Variants in ABTB3 observed in about 807,000 individuals in gnomAD.
ABTB3 encodes the protein ankyrin repeat and BTB domain containing 3, also known as ankyrin repeat- and BTB/POZ domain-containing protein 3.
the ABTB3 span, among the ~76,000 whole-genome samples, chr12:107,476,067 C>A: frequency 0.032 from 4,903 of 152,250 alleles, 252 homozygotes; most frequent in African/African-American, 0.11. Context: ...GAAGCCGGGG[C>A]CCTGATTTGC....
the ABTB3 span, among the ~76,000 whole-genome samples, chr12:107,613,933 G>A: frequency 1.1e-4 from 17 of 152,092 alleles, no homozygotes; most frequent in Non-Finnish European, 2.4e-4. Context: ...TTTGGATCCA[G>A]AATCATTTTG....
the ABTB3 span, chr12:107,544,245 A>G: frequency 8.1e-7 from 1 of 1,239,862 alleles, no homozygotes; most frequent in East Asian, 2.5e-5. Context: ...CTCACTTCCT[A>G]AAACTTGCCA....
chr12:107,583,541 A>G, the ABTB3 span, among the ~76,000 whole-genome samples: 1 of 152,096 alleles, frequency 6.6e-6, no homozygotes, highest in African/African-American at 2.4e-5. Flanking sequence ...CTCACCCTAG[A>G]CCTAGACAAG....
At chr12:107,619,573 C>G in the ABTB3 span, among the ~76,000 whole-genome samples, 1 of 152,154 alleles carries the variant, frequency 6.6e-6, no homozygotes, top group Non-Finnish European at 1.5e-5. Context: ...GGGCAAGACT[C>G]TTCTCCCCCC....
chr12:107,632,447 A>G, the ABTB3 span, among the ~76,000 whole-genome samples: 1 of 152,214 alleles, frequency 6.6e-6, no homozygotes, highest in Non-Finnish European at 1.5e-5. Context: ...TTTGCAGATA[A>G]CAGGTCTTAT....
chr12:107,427,714 A>G, the ABTB3 span, among the ~76,000 whole-genome samples: 1 of 152,194 alleles, frequency 6.6e-6, no homozygotes, highest in East Asian at 1.9e-4. Context: ...GCCATTACTC[A>G]GCCTGTCACA....
the ABTB3 span, among the ~76,000 whole-genome samples, chr12:107,583,581 G>A: frequency 1.3e-5 from 2 of 152,182 alleles, no homozygotes; most frequent in African/African-American, 4.8e-5. Flanking sequence ...CTTCTGGATG[G>A]CTCTGTCCCT....
chr12:107,318,752 G>A, the ABTB3 span: 11 of 651,986 alleles, frequency 1.7e-5, no homozygotes, highest in Admixed American at 2.9e-5. Context: ...TCCAGGGTCT[G>A]CTCTGTATAT....
the ABTB3 span, among the ~76,000 whole-genome samples, chr12:107,391,121 A>G: frequency 1.3e-5 from 2 of 152,350 alleles, no homozygotes; most frequent in Admixed American, 1.3e-4. Context: ...GCTGCACTCT[A>G]GCCTAGGTGA....
At chr12:107,557,780 A>G in the ABTB3 span, among the ~76,000 whole-genome samples, 1 of 152,230 alleles carries the variant, frequency 6.6e-6, no homozygotes, top group African/African-American at 2.4e-5. Flanking sequence ...AGACAAAGTG[A>G]GGCTGAGGAT....
the ABTB3 span, chr12:107,610,195 A>G: frequency 6.2e-7 from 1 of 1,614,172 alleles, no homozygotes; most frequent in Non-Finnish European, 8.5e-7. Context: ...CTTAGGGCCG[A>G]CGACTGCTTT....
At chr12:107,631,535 C>A in the ABTB3 span, among the ~76,000 whole-genome samples, 1 of 152,140 alleles carries the variant, frequency 6.6e-6, no homozygotes, top group Admixed American at 6.6e-5. Context: ...GCCAGAGTTC[C>A]TTAGTTCGTA....
the ABTB3 span, chr12:107,650,556 A>T: frequency 1.3e-5 from 2 of 152,208 alleles, no homozygotes; most frequent in South Asian, 4.1e-4. Context: ...TGTGTGAAAC[A>T]GTCTCACTCT....
chr12:107,527,855 G>A, the ABTB3 span, among the ~76,000 whole-genome samples: 16,473 of 151,936 alleles, frequency 0.11, 956 homozygotes, highest in African/African-American at 0.14. Flanking sequence ...AGTTTCAATC[G>A]GACGAGTTAA....
chr12:107,501,013 G>A, the ABTB3 span, among the ~76,000 whole-genome samples: 56,088 of 152,032 alleles, frequency 0.37, 12,596 homozygotes, highest in African/African-American at 0.63. Context: ...ACCTATTGCC[G>A]GCTCTGTGAC....
At chr12:107,348,468 C>T in the ABTB3 span, among the ~76,000 whole-genome samples, 7 of 152,166 alleles carry the variant, frequency 4.6e-5, no homozygotes, top group Admixed American at 2.0e-4. Flanking sequence ...GGTGCAGTGG[C>T]TCATGCCTCC....
chr12:107,389,016 C>T, the ABTB3 span, among the ~76,000 whole-genome samples: 3 of 95,552 alleles, frequency 3.1e-5, no homozygotes, highest in Admixed American at 2.4e-4. Flanking sequence ...AACATTAAAA[C>T]TCAGAGTTCA....
chr12:107,507,903 C>T, the ABTB3 span, among the ~76,000 whole-genome samples: 1 of 152,228 alleles, frequency 6.6e-6, no homozygotes, highest in Admixed American at 6.5e-5. Flanking sequence ...TTTGTGCCAT[C>T]AGTGTAGCAT....
chr12:107,320,258 C>T, the ABTB3 span, among the ~76,000 whole-genome samples: 11 of 152,304 alleles, frequency 7.2e-5, no homozygotes, highest in South Asian at 2.1e-3. Context: ...CACTCGGGTG[C>T]GCGTATTTCA....
Sources: gnomAD v4.1 joint callset for allele counts (sites outside exome capture counted in the v4.1 genomes callset) on GRCh38, gnomAD v4.1.1 for gene constraint, MANE v1.5 for transcripts, NCBI Gene and HGNC (gene_info 2026-07-23, HGNC 2026-07-21) for gene names.